The following HDAC9 variants were observed in gnomAD, a reference collection of about 807,000 sequenced individuals.
The protein encoded by HDAC9 is MEF-2 interacting transcription repressor (MITR) protein.
A neutral mutation model predicts 139.4 loss-of-function variants in HDAC9; 41 were observed. That is an observed-to-expected ratio of 0.29 (90% CI 0.23 to 0.38). The LOEUF is 0.38. Among genes scored for constraint, HDAC9 ranks in the 10% least tolerant of loss-of-function variants. The pLI is 1.00. For missense variants in HDAC9, 1,147 were observed against 1,297.0 expected, an observed-to-expected ratio of 0.88 and a Z score of 1.78; for synonymous variants, 517 against 476.2, an observed-to-expected ratio of 1.09 and a Z score of -1.12.
In HDAC9 at chr7:18,107,633, G is replaced by A. The variant is rs142723415; in HGVS notation, c.-97+20420G>A. On this transcript the variant is annotated intron_variant, in intron 1 of 12. Transcript: ENST00000417496. ...CTTTTTCTCAACCTATACACCTGAG[G>A]AAGGTGTTAGATTTAAGGCCTAAAG... Among the ~76,000 whole-genome samples the A allele has an allele frequency of 2.3e-3, 354 of 152,230 alleles. 1 individual carries two copies. The highest frequency in any genetic ancestry group is 3.4e-3 in the Admixed American group (52 of 15,286).
At chr7:18,801,979 T>C (rs576375381) in intron 17 of HDAC9, among the ~76,000 whole-genome samples, 2 of 152,060 alleles carry the variant, frequency 1.3e-5, no homozygotes, top group South Asian at 2.1e-4. Context: ...TGTCAGAAGT[T>C]TGACAATTCT....
In HDAC9 at chr7:18,184,031, C is replaced by G. The variant is rs902420274; in HGVS notation, c.25+21682C>G. 5.3e-5 allele frequency among the ~76,000 whole-genome samples: 8 copies of G among 152,014 alleles called. No individual in the cohort carries two copies. In the East Asian group the frequency reaches 1.4e-3, roughly 26 times the overall value. On this transcript the variant is annotated intron_variant, in intron 2 of 12. Coordinates refer to the HDAC9 transcript ENST00000417496. ...ACCTGTTATTGCATGTTGAGTATTC[C>G]TCATCTGACATGCTTGGGACCAGAA...
intron 1 of HDAC9, among the ~76,000 whole-genome samples, chr7:18,368,706 T>C (rs1478447938): frequency 2.6e-5 from 4 of 151,988 alleles, no homozygotes; most frequent in African/African-American, 9.7e-5. Flanking sequence ...TTGAGTAATA[T>C]TGGAAAAGAA....
At chr7:18,481,875 C>G (rs186542430) in intron 1 of HDAC9, among the ~76,000 whole-genome samples, 33 of 152,258 alleles carry the variant, frequency 2.2e-4, no homozygotes, top group African/African-American at 7.9e-4. Flanking sequence ...CACAGTATTG[C>G]ATGAAGACTT....
chr7:18,825,574 C>A (rs1306478958), intron 17 of HDAC9, among the ~76,000 whole-genome samples: 1 of 151,826 alleles, frequency 6.6e-6, no homozygotes, highest in East Asian at 1.9e-4. Context: ...AGGTTGATAA[C>A]TGAAGCAGAC....
chr7:18,539,246 C>A (rs1047370424), intron 2 of HDAC9, among the ~76,000 whole-genome samples: 9 of 152,170 alleles, frequency 5.9e-5, no homozygotes, highest in Non-Finnish European at 8.8e-5. Flanking sequence ...AAGGGCACTT[C>A]ACCTCGTTGT....
chr7:18,685,314 C>T (rs1782192812), intron 12 of HDAC9, among the ~76,000 whole-genome samples: 1 of 151,998 alleles, frequency 6.6e-6, no homozygotes, highest in Non-Finnish European at 1.5e-5. Flanking sequence ...GCAGCTTACC[C>T]AACCAGTCTG....
chr7:18,416,211 G>A (rs1041306909), intron 1 of HDAC9, among the ~76,000 whole-genome samples: 1 of 151,860 alleles, frequency 6.6e-6, no homozygotes, highest in Admixed American at 6.6e-5. Context: ...CAGGAAAATC[G>A]CTTGAACCCG....
At chr7:18,503,101 T>A (rs2128161288) in intron 2 of HDAC9, among the ~76,000 whole-genome samples, 1 of 152,296 alleles carries the variant, frequency 6.6e-6, no homozygotes, top group South Asian at 2.1e-4. Flanking sequence ...AATAATTTAA[T>A]TGAAATAAAA....
intron 12 of HDAC9, among the ~76,000 whole-genome samples, chr7:18,711,789 C>A (rs557161974): frequency 1.4e-4 from 21 of 152,296 alleles, no homozygotes; most frequent in Admixed American, 9.8e-4. Flanking sequence ...TCTCATATGA[C>A]ACAGTTCTTT....
In HDAC9 at chr7:18,138,336, T is replaced by C. The variant is rs1227447491; in HGVS notation, c.-96-23893T>C. ...TAATACCTGTGTGCCTCCCTCTCCC[T>C]CTCTCCTTGCAAGGACATCTTCTGC... On this transcript the variant is annotated intron_variant, in intron 1 of 12. Coordinates refer to the HDAC9 transcript ENST00000417496. Among the ~76,000 whole-genome samples, 6 of 152,022 alleles carry C rather than the reference T, an allele frequency of 3.9e-5. No homozygotes were observed. The South Asian group carries it at 1.2e-3, about 32-fold the overall frequency.
chr7:18,259,149 T>C (rs1016847870), intron 2 of HDAC9, among the ~76,000 whole-genome samples: 9 of 151,780 alleles, frequency 5.9e-5, no homozygotes, highest in African/African-American at 1.9e-4. Flanking sequence ...TTTGTATTTT[T>C]AGTAGAGATG....
intron 12 of HDAC9, among the ~76,000 whole-genome samples, chr7:18,683,657 C>T (rs527459668): frequency 3.3e-5 from 5 of 152,060 alleles, no homozygotes; most frequent in South Asian, 2.1e-4. Context: ...TTTATTGAAG[C>T]GCTTGCTTAC....
chr7:18,952,501 C>T (rs1782867933), intron 23 of HDAC9, among the ~76,000 whole-genome samples: 1 of 151,928 alleles, frequency 6.6e-6, no homozygotes, highest in African/African-American at 2.4e-5. Context: ...AATATTGGAA[C>T]ATAGAGTGTC....
Position 18,727,680 on chromosome 7 carries a change from G to C in HDAC9, c.1832G>C (p.Arg611Thr), listed in dbSNP as rs1415711031. ...TTAGAGAAACACCGTCTCGTCTCCA[G>C]GACTCACTCTTCCCCTGCTGCCTCT... ...DGLEKHRLVS[R>T]THSSPAASVL... Residue 611 changes from arginine to threonine, a missense_variant, in exon 13 of 26, where the codon AGG becomes ACG. Arg to Thr is a moderately conservative substitution (Grantham distance 71, BLOSUM62 -1). Around this residue, in one of 7 missense-constraint regions of HDAC9, gnomAD observed 256 missense variants for 219.2 expected, o/e 1.17. Transcript: ENST00000686413. 3 of 1,588,166 alleles carry C rather than the reference G, an allele frequency of 1.9e-6. No homozygotes were observed. The highest frequency in any genetic ancestry group is 2.6e-6 in the Non-Finnish European group (3 of 1,170,448).
Position 18,826,310 on chromosome 7 carries a change from G to A in HDAC9, c.2323-2851G>A, listed in dbSNP as rs1040700193. 3.3e-5 allele frequency among the ~76,000 whole-genome samples: 5 copies of A among 152,180 alleles called. No homozygotes were observed. In the South Asian group the frequency reaches 1.0e-3, roughly 32 times the overall value. On this transcript the variant is annotated intron_variant, in intron 17 of 25. Coordinates refer to ENST00000686413, the MANE Select transcript of HDAC9 (RefSeq NM_178425.4). ...CTTCTGCTGCAGGCAGGTTTGTGAG[G>A]TATGAGAGAGGAAACAGCTACCACT...
chr7:18,197,708 C>T (rs1252213481), intron 2 of HDAC9, among the ~76,000 whole-genome samples: 1 of 152,134 alleles, frequency 6.6e-6, no homozygotes, highest in Non-Finnish European at 1.5e-5. Context: ...GCCTCTTGCA[C>T]CAGAATGTAA....
intron 2 of HDAC9, among the ~76,000 whole-genome samples, chr7:18,567,253 C>T (rs536600735): frequency 1.7e-3 from 261 of 152,156 alleles, no homozygotes; most frequent in African/African-American, 6.0e-3. Flanking sequence ...ACTAAGGAAT[C>T]GCATGGGGTT....
At chr7:18,956,922 G>A (rs945324016) in intron 24 of HDAC9, among the ~76,000 whole-genome samples, 3 of 152,100 alleles carry the variant, frequency 2.0e-5, no homozygotes, top group African/African-American at 7.2e-5. Flanking sequence ...TGGTGTTGCT[G>A]CCTAAAATTC....
Sources: gnomAD v4.1 joint callset for allele counts (sites outside exome capture counted in the v4.1 genomes callset) on GRCh38, gnomAD v4.1.1 for gene constraint, gnomAD v4.1.1 regional missense constraint, MANE v1.5 for transcripts, NCBI Gene and HGNC (gene_info 2026-07-23, HGNC 2026-07-21) for gene names.